Variants in ZNF24 observed in about 807,000 individuals in gnomAD.
ZNF24 encodes zinc finger protein 24, also known as retinoic acid suppression protein A.
A neutral mutation model predicts 40.9 loss-of-function variants in ZNF24; 11 were observed. That is an observed-to-expected ratio of 0.27 (90% CI 0.17 to 0.45). The LOEUF (loss-of-function observed/expected upper bound fraction) is 0.45. ZNF24 is among the 20% of genes least tolerant of loss of function. The pLI is 1.00. For synonymous variants in ZNF24, 139 were observed against 154.7 expected (o/e 0.90, Z 0.75); for missense variants, 293 against 437.7 (o/e 0.67, Z 2.95).
rs887206082 is a variant in ZNF24 at position 35,336,009 on chromosome 18, C to G, written c.*1223G>C. ...CCGAGTCCTCCTCCCCCTCCAAATA[C>G]AACACCCTGGTAAAAAAAACTACAG... On this transcript the variant is annotated 3_prime_UTR_variant, in exon 4 of 4. Transcript: ENST00000261332. 6.6e-6 allele frequency: 1 copy of G among 152,420 alleles called. No homozygotes were observed. The highest frequency in any genetic ancestry group is 2.4e-5 in the African/African-American group (1 of 41,374). 9.4% of individuals were successfully genotyped at this position (152,420 alleles called of 1,614,324 possible). A position where few individuals can be genotyped will look rare whatever the true frequency, so the allele number is the denominator to read the frequency against.
chr18:35,338,762 A>G (rs2044937075), intron 3 of ZNF24: 2 of 1,251,582 alleles, frequency 1.6e-6, no homozygotes, highest in Non-Finnish European at 1.0e-6. Context: ...AACGGCACAC[A>G]GGAAACAGAA....
chr18:35,341,724 G>GA (rs928052803), intron 1 of ZNF24, among the ~76,000 whole-genome samples: 7 of 148,444 alleles, frequency 4.7e-5, no homozygotes, highest in African/African-American at 7.4e-5. Context: ...AGTTCCAAAA[G>GA]AAAAAAAAAA....
At position 35,335,236 on chromosome 18, in the gene ZNF24, G is replaced by T. The variant is rs1387112042; in HGVS notation, c.*1996C>A. On this transcript the variant is annotated 3_prime_UTR_variant, in exon 4 of 4. Coordinates refer to ENST00000261332, the MANE Select transcript of ZNF24 (RefSeq NM_006965.4). ...TCACATCATTTATCTTAGAGCAGAG[G>T]AGTTTACAGCTTTATTGGACACTGA... 2 of 152,122 alleles carry T rather than the reference G, an allele frequency of 1.3e-5. No homozygotes were observed. Among genetic ancestry groups the T allele is most frequent in the African/African-American group, 4.8e-5 (2 of 41,422 alleles). 9.4% of individuals were successfully genotyped at this position (152,122 alleles called of 1,614,324 possible).
chr18:35,339,278 T>G (rs2044942382), intron 3 of ZNF24, among the ~76,000 whole-genome samples: 1 of 152,214 alleles, frequency 6.6e-6, no homozygotes, highest in Non-Finnish European at 1.5e-5. Flanking sequence ...AAGCATGTTA[T>G]AGCTAAGGAG....
At position 35,335,816 on chromosome 18, in the gene ZNF24, G is replaced by C. The variant is rs991740045; in HGVS notation, c.*1416C>G. ...GGTTAATAAACTAGTTAATTGTCTA[G>C]TTGTTTATTTTTTAAATAGAACAGT... is the stretch of plus-strand genomic sequence containing the variant. On this transcript the variant is annotated 3_prime_UTR_variant, in exon 4 of 4. Transcript: ENST00000261332. The C allele has an allele frequency of 1.3e-5, 2 of 152,132 alleles. No homozygotes were observed. The highest frequency in any genetic ancestry group is 4.8e-5 in the African/African-American group (2 of 41,424). The allele number at this position is 152,132 out of a possible 1,614,324, so 9.4% of individuals were successfully genotyped here.
chr18:35,338,201 A>C (rs1598685727), intron 3 of ZNF24: 1 of 986,366 alleles, frequency 1.0e-6, no homozygotes. Flanking sequence ...AAATTAGAAA[A>C]ACATGTCAGA....
At chr18:35,338,821 G>A (rs2143852291) in intron 3 of ZNF24, 12 of 1,349,086 alleles carry the variant, frequency 8.9e-6, no homozygotes, top group South Asian at 2.0e-5. Flanking sequence ...GAACGCAGGT[G>A]AAAAGTCACT....
intron 3 of ZNF24, chr18:35,338,075 T>C (rs2044929131): frequency 1.5e-6 from 1 of 674,430 alleles, no homozygotes; most frequent in Non-Finnish European, 1.9e-6. Flanking sequence ...ATGATGTGGC[T>C]AGGTATGGAT....
At chr18:35,341,936 G>A (rs1388937899) in intron 1 of ZNF24, among the ~76,000 whole-genome samples, 1 of 152,044 alleles carries the variant, frequency 6.6e-6, no homozygotes, top group African/African-American at 2.4e-5. Flanking sequence ...GGTGGCTCAG[G>A]CCTGTAATCC....
intron 3 of ZNF24, chr18:35,338,037 T>C: frequency 3.6e-6 from 2 of 548,014 alleles, no homozygotes; most frequent in Non-Finnish European, 5.1e-6. Flanking sequence ...AGATGGTAGA[T>C]TCTAAGATGG....
intron 3 of ZNF24, 75 bp from the exon 4 acceptor site, chr18:35,337,845 TA>T: frequency 7.6e-7 from 1 of 1,312,140 alleles, no homozygotes; most frequent in Non-Finnish European, 1.0e-6. Flanking sequence ...ATTTTTTTTT[TA>T]ATGAACTAAA....
At position 35,332,501 on chromosome 18, in the gene ZNF24, C is replaced by T. The variant is rs1174289086; in HGVS notation, c.*4731G>A. 5 of 152,570 alleles carry T rather than the reference C, an allele frequency of 3.3e-5. No homozygotes were observed. The highest frequency in any genetic ancestry group is 4.8e-5 in the African/African-American group (2 of 41,428). 9.5% of individuals were successfully genotyped at this position (152,570 alleles called of 1,614,324 possible). A position where few individuals can be genotyped will look rare whatever the true frequency, so the allele number is the denominator to read the frequency against. ...TTCTCTTTCCATTTCTGCTAGCATC[C>T]GAGTTTCTCCTCAGACAGACTCTCT... On this transcript the variant is annotated 3_prime_UTR_variant, in exon 4 of 4. Transcript: ENST00000261332.
chr18:35,332,924 G>C lies in ZNF24; in HGVS notation c.*4308C>G, dbSNP rs1323559866. The C allele has an allele frequency of 2.0e-5, 3 of 152,050 alleles. No individual in the cohort carries two copies. The highest frequency in any genetic ancestry group is 2.9e-5 in the Non-Finnish European group (2 of 67,986). 9.4% of individuals were successfully genotyped at this position (152,050 alleles called of 1,614,324 possible). On this transcript the variant is annotated 3_prime_UTR_variant, in exon 4 of 4. Coordinates refer to ENST00000261332, the MANE Select transcript of ZNF24 (RefSeq NM_006965.4). ...TCTCACCATTTTTTTTTATAATCAG[G>C]GAAATGCAAAATAAGAAAAGGTTCT...
Position 35,337,782 on chromosome 18 carries a change from A to G in ZNF24, c.569-12T>C, listed in dbSNP as rs1301372349. 9 of 1,535,382 alleles carry G rather than the reference A, an allele frequency of 5.9e-6. No homozygotes were observed. The highest frequency in any genetic ancestry group is 1.4e-5 in the African/African-American group (1 of 71,664). On this transcript the variant is annotated splice_polypyrimidine_tract_variant and intron_variant, in intron 3 of 3. Coordinates refer to ENST00000261332, the MANE Select transcript of ZNF24 (RefSeq NM_006965.4). The stretch of plus-strand genomic sequence containing the variant: ...CCTACCATCATCATCTGAAATAAAC[A>G]GAAAATGTAAATATCATTCATTATC...
At chr18:35,339,071 T>C (rs1569103147) in intron 3 of ZNF24, 6 of 1,535,270 alleles carry the variant, frequency 3.9e-6, no homozygotes, top group Non-Finnish European at 5.2e-6. Flanking sequence ...CAAGGAATGA[T>C]TACTAAAGCA....
In ZNF24 at chr18:35,340,079, T is replaced by A; in HGVS notation, c.421-103A>T. On this transcript the variant is annotated intron_variant, in intron 2 of 3. Transcript: ENST00000261332. This position sits in a 1 kb window ranked among gnomAD's most constrained non-coding sequence, Gnocchi z 4.6. ...GAAACAAATACTGCAGAAGCCTAGA[T>A]GGCAAAGCGGCACAGATAACAAGGA... 3 of 1,500,130 alleles carry A rather than the reference T, an allele frequency of 2.0e-6. No individual in the cohort carries two copies. In the South Asian group the frequency reaches 3.9e-5, roughly 19 times the overall value. 92.9% of individuals were successfully genotyped at this position (1,500,130 alleles called of 1,614,324 possible).
chr18:35,339,253 A>T (rs2978357), intron 3 of ZNF24, among the ~76,000 whole-genome samples: 1 of 152,126 alleles, frequency 6.6e-6, no homozygotes. Flanking sequence ...TTTAAAAAAG[A>T]TTTTTCTGCA....
At position 35,334,893 on chromosome 18, in the gene ZNF24, C is replaced by CGA. The variant is rs2044890932; in HGVS notation, c.*2338_*2339insTC. On this transcript the variant is annotated 3_prime_UTR_variant, in exon 4 of 4. Transcript: ENST00000261332. Reference sequence around the variant, plus strand: ...GGTCCAGTCCCTTTTTCCCACAGAGCTTTGCCTTAGCCTCAGAATCCTTTC... The same window carrying CGA: ...GGTCCAGTCCCTTTTTCCCACAGAGCGATTTGCCTTAGCCTCAGAATCCTTTC... 6.6e-6 allele frequency: 1 copy of CGA among 152,200 alleles called. No homozygotes were observed. The highest frequency in any genetic ancestry group is 1.5e-5 in the Non-Finnish European group (1 of 68,054). 9.4% of individuals were successfully genotyped at this position (152,200 alleles called of 1,614,324 possible). A position where few individuals can be genotyped will look rare whatever the true frequency, so the allele number is the denominator to read the frequency against.
At position 35,333,608 on chromosome 18, in the gene ZNF24, C is replaced by T. The variant is rs1330555537; in HGVS notation, c.*3624G>A. 6.6e-6 allele frequency: 1 copy of T among 152,128 alleles called. No individual in the cohort carries two copies. Among genetic ancestry groups the T allele is most frequent in the East Asian group, 1.9e-4 (1 of 5,196 alleles). 9.4% of individuals were successfully genotyped at this position (152,128 alleles called of 1,614,324 possible). ...AAAGAAAAGAAAGAAATTTTGCCTA[C>T]CAGATTGGCAAAAATTTTTAAGGAT... is the stretch of plus-strand genomic sequence containing the variant. On this transcript the variant is annotated 3_prime_UTR_variant, in exon 4 of 4. Coordinates refer to ENST00000261332, the MANE Select transcript of ZNF24 (RefSeq NM_006965.4).
Sources: gnomAD v4.1 joint callset for allele counts (sites outside exome capture counted in the v4.1 genomes callset) on GRCh38, gnomAD v4.1.1 for gene constraint, Gnocchi (gnomAD v3.1) non-coding constraint, MANE v1.5 for transcripts, NCBI Gene and HGNC (gene_info 2026-07-23, HGNC 2026-07-21) for gene names.